Variants in PRKCQ observed in about 807,000 individuals in gnomAD.
PRKCQ encodes the protein protein kinase C theta type.
Under a neutral mutation model 91.2 loss-of-function variants are expected in PRKCQ, and 41 were observed. The ratio of observed to expected loss-of-function variants is 0.45; its 90% CI spans 0.35 to 0.58. The LOEUF (loss-of-function observed/expected upper bound fraction) is 0.58, where lower values mean the gene tolerates loss of function less well. Among genes scored for constraint, PRKCQ ranks in the 20% least tolerant of loss-of-function variants. The pLI is 0.00. For missense variants in PRKCQ, 673 were observed against 896.5 expected, an observed-to-expected ratio of 0.75 and a Z score of 3.18; for synonymous variants, 307 against 316.9, an observed-to-expected ratio of 0.97 and a Z score of 0.33.
chr10:6,504,766 A>G (rs949822148), intron 4 of PRKCQ, among the ~76,000 whole-genome samples: 1 of 152,248 alleles, frequency 6.6e-6, no homozygotes, highest in Non-Finnish European at 1.5e-5. Flanking sequence ...GTCATCAACA[A>G]GGAATTTTCT....
At chr10:6,457,604 C>T (rs997419452) in intron 14 of PRKCQ, among the ~76,000 whole-genome samples, 4 of 152,130 alleles carry the variant, frequency 2.6e-5, no homozygotes, top group African/African-American at 9.7e-5. Context: ...ACATTCTGGC[C>T]TCTACCTTCC....
At chr10:6,511,275 G>A in intron 2 of PRKCQ, 81 bp from the exon 3 acceptor site, 2 of 1,291,852 alleles carry the variant, frequency 1.5e-6, no homozygotes, top group South Asian at 1.2e-5. Flanking sequence ...AGTAGCACCT[G>A]CTCCCTCTGT....
intron 14 of PRKCQ, 147 bp downstream of exon 14, chr10:6,462,156 T>A: frequency 1.4e-6 from 1 of 708,518 alleles, no homozygotes. Flanking sequence ...TCATCATCCA[T>A]GTAATCATTG....
chr10:6,501,282 GA>G (rs932125193), intron 4 of PRKCQ, among the ~76,000 whole-genome samples: 2 of 151,902 alleles, frequency 1.3e-5, no homozygotes, highest in East Asian at 1.9e-4. Context: ...GTAAAAAGGT[GA>G]AAAAAAAGAA....
chr10:6,539,746 A>G (rs1170335128), intron 1 of PRKCQ, among the ~76,000 whole-genome samples: 2 of 152,286 alleles, frequency 1.3e-5, no homozygotes, highest in East Asian at 3.9e-4. Context: ...AAGGTTAGGG[A>G]CCGCTGCTTT....
At chr10:6,399,046 AATACAATG>A in the PRKCQ span, among the ~76,000 whole-genome samples, 3 of 152,318 alleles carry the variant, frequency 2.0e-5, no homozygotes, top group Non-Finnish European at 2.9e-5. Flanking sequence ...CAGGCATATC[AATACAATG>A]ATACAATGAT....
At position 6,511,016 on chromosome 10, in the gene PRKCQ, G is replaced by C; in HGVS notation, c.297C>G (p.Asn99Lys). The C allele has an allele frequency of 6.2e-7, 1 of 1,614,054 alleles. No individual in the cohort carries two copies. Among genetic ancestry groups the C allele is most frequent in the Non-Finnish European group, 8.5e-7 (1 of 1,179,998 alleles). Residue 99 changes from asparagine to lysine, a missense_variant, in exon 3 of 18, where the codon AAC (asparagine) becomes AAG (lysine). Transcript: ENST00000263125. ...TTACCCATATTTCTGTCTTCCCGTT[G>C]TTCTTCCTGCACCTCTCAGCCAGCG... ...LYSLAERCRK[N>K]NGKTEIWLEL...
chr10:6,455,195 C>T (rs1834941327), intron 15 of PRKCQ, among the ~76,000 whole-genome samples: 4 of 152,252 alleles, frequency 2.6e-5, no homozygotes, highest in Admixed American at 1.3e-4. Flanking sequence ...GAGTTGAGTC[C>T]GTCCTCTTAA....
At chr10:6,459,474 C>T (rs141335157) in intron 14 of PRKCQ, among the ~76,000 whole-genome samples, 1,559 of 152,238 alleles carry the variant, frequency 0.01, 9 homozygotes, top group Non-Finnish European at 0.015. Flanking sequence ...GAATGGTGGC[C>T]CCCAGAAGAT....
intron 15 of PRKCQ, among the ~76,000 whole-genome samples, chr10:6,454,326 C>T (rs1436370019): frequency 6.6e-6 from 1 of 152,006 alleles, no homozygotes; most frequent in Non-Finnish European, 1.5e-5. Flanking sequence ...TCACCAAGAG[C>T]CAGGCAAGAG....
chr10:6,566,298 ACTGG>A (rs35871274), intron 1 of PRKCQ, among the ~76,000 whole-genome samples: 133,017 of 151,970 alleles, frequency 0.88, 59,428 homozygotes, highest in Non-Finnish European at 0.96. Context: ...TCTGACCTAC[ACTGG>A]CTGTTCTGCA....
At chr10:6,435,797 G>A (rs1179981596) in intron 16 of PRKCQ, among the ~76,000 whole-genome samples, 3 of 152,194 alleles carry the variant, frequency 2.0e-5, no homozygotes, top group Non-Finnish European at 4.4e-5. Flanking sequence ...TATGCAGGGC[G>A]TGGGTTGGGC....
chr10:6,431,885 G>C (rs367956673), intron 16 of PRKCQ, among the ~76,000 whole-genome samples: 1 of 152,180 alleles, frequency 6.6e-6, no homozygotes, highest in East Asian at 1.9e-4. Flanking sequence ...ATTCCTCTCT[G>C]CACTGTTCCT....
At chr10:6,439,310 TG>T (rs1421770609) in intron 16 of PRKCQ, among the ~76,000 whole-genome samples, 2 of 152,202 alleles carry the variant, frequency 1.3e-5, no homozygotes, top group Non-Finnish European at 2.9e-5. Context: ...GCTGCTAAGA[TG>T]GTAATAGCCT....
the PRKCQ span, among the ~76,000 whole-genome samples, chr10:6,401,784 C>CT: frequency 3.3e-5 from 5 of 152,108 alleles, no homozygotes; most frequent in African/African-American, 7.2e-5. Flanking sequence ...CAATAAGCAG[C>CT]TTTTTTCTTA....
chr10:6,469,369 G>T lies in PRKCQ; in HGVS notation c.1354-4965C>A, dbSNP rs113395449. Among the ~76,000 whole-genome samples the T allele has an allele frequency of 5.9e-5, 9 of 152,232 alleles. No individual in the cohort carries two copies. The South Asian group carries it at 1.9e-3, about 32-fold the overall frequency. ...TGCCCCTTTCAAGGACAGAACCTAG[G>T]GAGATGTCTACACAGGCTTGAGGCT... On this transcript the variant is annotated intron_variant, in intron 12 of 17. Transcript: ENST00000263125.
chr10:6,488,505 C>A (rs1837057651), intron 8 of PRKCQ, among the ~76,000 whole-genome samples: 1 of 151,874 alleles, frequency 6.6e-6, no homozygotes, highest in Admixed American at 6.6e-5. Flanking sequence ...CCTGCCTCAG[C>A]CTCCTGAGTA....
downstream of PRKCQ, among the ~76,000 whole-genome samples, chr10:6,422,281 T>C (rs1342966335): frequency 6.6e-6 from 1 of 152,212 alleles, no homozygotes; most frequent in African/African-American, 2.4e-5. Flanking sequence ...AGCACTATTA[T>C]TGTCCTTATT....
chr10:6,404,255 G>GAGA, the PRKCQ span, among the ~76,000 whole-genome samples: 349 of 34,372 alleles, frequency 0.01, 21 homozygotes, highest in Non-Finnish European at 0.014. Context: ...GAAGGGGGGG[G>GAGA]GAGAGAGAGA....
Sources: gnomAD v4.1 joint callset for allele counts (sites outside exome capture counted in the v4.1 genomes callset) on GRCh38, gnomAD v4.1.1 for gene constraint, MANE v1.5 for transcripts, NCBI Gene and HGNC (gene_info 2026-07-23, HGNC 2026-07-21) for gene names.